The following IQSEC1 variants were observed in gnomAD, a reference collection of about 807,000 sequenced individuals.
The protein encoded by IQSEC1 is IQ motif and Sec7 domain ArfGEF 1, also known as IQ motif and SEC7 domain-containing protein 1.
A neutral mutation model predicts 91.0 loss-of-function variants in IQSEC1; 31 were observed. The ratio of observed to expected loss-of-function variants is 0.34; its 90% CI spans 0.26 to 0.46. The LOEUF (loss-of-function observed/expected upper bound fraction) is 0.46, where lower values mean the gene tolerates loss of function less well. Ranked by LOEUF, IQSEC1 falls within the 20% of genes least tolerant of loss-of-function variation. The pLI, the probability that IQSEC1 is intolerant of heterozygous loss-of-function variation, is 1.00. For missense variants in IQSEC1, 1,388 were observed against 1,575.6 expected (o/e 0.88, Z 2.02); for synonymous variants, 699 against 662.6 (o/e 1.05, Z -0.84).
intron 1 of IQSEC1, among the ~76,000 whole-genome samples, chr3:13,276,192 C>T (rs1695676989): frequency 6.7e-6 from 1 of 148,692 alleles, no homozygotes; most frequent in Non-Finnish European, 1.5e-5. Flanking sequence ...AGGTTCACAC[C>T]ATTCTCCTGC....
intron 1 of IQSEC1, among the ~76,000 whole-genome samples, chr3:12,942,557 T>A (rs1698852867): frequency 6.6e-6 from 1 of 151,658 alleles, no homozygotes. Context: ...GAGCCAAGAT[T>A]GCGCCACTGC....
At chr3:13,225,882 T>C in intron 1 of IQSEC1, among the ~76,000 whole-genome samples, 1 of 151,926 alleles carries the variant, frequency 6.6e-6, no homozygotes. Context: ...TCATCAATTT[T>C]TTTTTTTCTT....
At chr3:13,138,267 C>A (rs575229389) in intron 2 of IQSEC1, among the ~76,000 whole-genome samples, 1 of 151,994 alleles carries the variant, frequency 6.6e-6, no homozygotes, top group Non-Finnish European at 1.5e-5. Context: ...AGACAAGGCA[C>A]TCTAAATGAA....
intron 2 of IQSEC1, among the ~76,000 whole-genome samples, chr3:13,157,774 G>A (rs1707106503): frequency 6.6e-6 from 1 of 152,226 alleles, no homozygotes; most frequent in Non-Finnish European, 1.5e-5. Flanking sequence ...CGTCTCCACA[G>A]ACTGTGGCAG....
At chr3:13,004,771 G>T (rs971568595) in intron 1 of IQSEC1, among the ~76,000 whole-genome samples, 3 of 152,096 alleles carry the variant, frequency 2.0e-5, no homozygotes, top group Non-Finnish European at 4.4e-5. Context: ...ATCAAGGGGG[G>T]AGGCTAATTC....
intron 1 of IQSEC1, among the ~76,000 whole-genome samples, chr3:12,998,409 T>G (rs1301441670): frequency 6.6e-6 from 1 of 152,060 alleles, no homozygotes; most frequent in African/African-American, 2.4e-5. Flanking sequence ...CATCTCTACA[T>G]GGACTGATAT....
At chr3:13,240,753 G>A (rs1370070978) in intron 1 of IQSEC1, among the ~76,000 whole-genome samples, 1 of 152,132 alleles carries the variant, frequency 6.6e-6, no homozygotes, top group Non-Finnish European at 1.5e-5. Flanking sequence ...ACGAAATCTG[G>A]GCTCCATGAA....
chr3:12,915,504 G>A (rs1440714856), intron 7 of IQSEC1, 90 bp downstream of exon 7: 17 of 1,385,946 alleles, frequency 1.2e-5, no homozygotes, highest in East Asian at 9.2e-5. Flanking sequence ...GAGACCACAC[G>A]GAGTGGGGTG....
intron 1 of IQSEC1, among the ~76,000 whole-genome samples, chr3:13,171,644 T>C (rs1052700264): frequency 6.6e-6 from 1 of 152,212 alleles, no homozygotes; most frequent in Non-Finnish European, 1.5e-5. Context: ...TGCAATTTCT[T>C]CCCTATTCCT....
intron 2 of IQSEC1, among the ~76,000 whole-genome samples, chr3:13,082,751 C>T (rs1037465096): frequency 2.0e-5 from 3 of 152,200 alleles, no homozygotes; most frequent in African/African-American, 7.2e-5. Flanking sequence ...GCTGGTCACC[C>T]TTGGCTCTCG....
chr3:13,265,907 G>A (rs1172484915), intron 1 of IQSEC1, among the ~76,000 whole-genome samples: 1 of 110,974 alleles, frequency 9.0e-6, no homozygotes, highest in African/African-American at 3.4e-5. Flanking sequence ...AAAAAAAGAT[G>A]CTTTATTGCA....
rs370682440 is a variant in IQSEC1, at chr3:12,900,618, G to A, written c.*365C>T. ...GTCTGTTTTTGTATCTCATTTCTTC[G>A]TTTTCTAGGTTGGGTTTTCATATGC... On this transcript the variant is annotated 3_prime_UTR_variant, in exon 14 of 14. Coordinates refer to ENST00000613206, the MANE Select transcript of IQSEC1 (RefSeq NM_001134382.3). The A allele has an allele frequency of 2.2e-4, 230 of 1,068,238 alleles. 1 individual carries two copies. Among genetic ancestry groups the A allele is most frequent in the Admixed American group, 5.8e-4 (12 of 20,538 alleles). The allele number at this position is 1,068,238 out of a possible 1,614,324, so 66.2% of individuals were successfully genotyped here.
At position 13,227,393 on chromosome 3, in the gene IQSEC1, A is replaced by AAAAAAAG. The variant is rs1055638536; in HGVS notation, c.272+55317_272+55318insCTTTTTT. 8.5e-4 allele frequency among the ~76,000 whole-genome samples: 119 copies of AAAAAAAG among 140,806 alleles called. 1 individual carries two copies. Among genetic ancestry groups the AAAAAAAG allele is most frequent in the African/African-American group, 2.6e-3 (89 of 33,690 alleles). The allele number at this position is 140,806 out of a possible 152,430, so 92.4% of individuals were successfully genotyped here. ...TCTGTCTCAAAAAAAAAAAAAAAAA[A>AAAAAAAG]AAAGAAAGAAAGAAAAGAAAACGAA... On this transcript the variant is annotated intron_variant, in intron 1 of 15. Transcript: ENST00000648114.
At chr3:13,128,976 T>C (rs1706563790) in intron 2 of IQSEC1, among the ~76,000 whole-genome samples, 2 of 152,176 alleles carry the variant, frequency 1.3e-5, no homozygotes, top group Non-Finnish European at 2.9e-5. Context: ...AATTTTGGTA[T>C]TCGGATAAAG....
In IQSEC1 at chr3:13,229,298, T is replaced by A. The variant is rs116246231; in HGVS notation, c.272+53413A>T. ...ACCATGTGCTGTTTTGATGTACACA[T>A]ACTATGATGACAGGGCCTGGCCTAT... On this transcript the variant is annotated intron_variant, in intron 1 of 15. Coordinates refer to the IQSEC1 transcript ENST00000648114. Among the ~76,000 whole-genome samples, 571 of 152,356 alleles carry A rather than the reference T, an allele frequency of 3.7e-3. 4 individuals are homozygous for A. The highest frequency in any genetic ancestry group is 0.013 in the African/African-American group (553 of 41,572).
chr3:13,015,953 G>A (rs1211719276), intron 1 of IQSEC1, among the ~76,000 whole-genome samples: 3 of 152,236 alleles, frequency 2.0e-5, no homozygotes, highest in South Asian at 2.1e-4. Flanking sequence ...TCAGAGTGCC[G>A]GGCCCCTTCT....
In IQSEC1 at chr3:13,249,875, C is replaced by T. The variant is rs1458188139; in HGVS notation, c.272+32836G>A. Reference sequence around the variant, plus strand: ...AGGCACTCAGCCATGTGAAGACCCCCACAGGTTTCCATGGCAACTTTGCCA... The same window carrying T: ...AGGCACTCAGCCATGTGAAGACCCCTACAGGTTTCCATGGCAACTTTGCCA... On this transcript the variant is annotated intron_variant, in intron 1 of 15. Coordinates refer to the IQSEC1 transcript ENST00000648114. Among the ~76,000 whole-genome samples the T allele has an allele frequency of 3.9e-5, 6 of 152,368 alleles. No homozygotes were observed. In the East Asian group the frequency reaches 5.8e-4, roughly 15 times the overall value.
At chr3:13,026,669 G>C (rs1255322289) in intron 1 of IQSEC1, among the ~76,000 whole-genome samples, 1 of 152,110 alleles carries the variant, frequency 6.6e-6, no homozygotes, top group African/African-American at 2.4e-5. Flanking sequence ...CCTTCTCCAG[G>C]AGTCCATCCT....
chr3:12,945,192 G>A (rs1699098649), intron 1 of IQSEC1, among the ~76,000 whole-genome samples: 1 of 152,168 alleles, frequency 6.6e-6, no homozygotes, highest in South Asian at 2.1e-4. Context: ...GGGCCCCGGG[G>A]CAGGGTATCT....
Sources: allele counts gnomAD v4.1 joint callset (sites outside exome capture counted in the v4.1 genomes callset), GRCh38; gene constraint gnomAD v4.1.1; transcripts MANE v1.5; gene names NCBI Gene and HGNC (gene_info 2026-07-23, HGNC 2026-07-21).